Variants in PLCB4 observed in about 807,000 individuals in gnomAD.
PLCB4 encodes phospholipase C beta 4.
A neutral mutation model predicts 178.8 loss-of-function variants in PLCB4; 77 were observed. The ratio of observed to expected loss-of-function variants is 0.43; its 90% CI spans 0.36 to 0.52. The LOEUF is 0.52. Ranked by LOEUF, PLCB4 falls within the 20% of genes least tolerant of loss-of-function variation. PLCB4 has a pLI of 0.00. For synonymous variants in PLCB4, 496 were observed against 490.8 expected (o/e 1.01, Z -0.14); for missense variants, 1,024 against 1,453.4 (o/e 0.70, Z 4.80).
chr20:9,163,992 T>A (rs924588590), intron 2 of PLCB4, among the ~76,000 whole-genome samples: 3 of 152,184 alleles, frequency 2.0e-5, no homozygotes. Context: ...TCCAAAAAAG[T>A]GATTATAGGC....
chr20:9,137,632 C>A, intron 2 of PLCB4, among the ~76,000 whole-genome samples: 1 of 151,780 alleles, frequency 6.6e-6, no homozygotes. Context: ...ATCTATCCAT[C>A]TGGAAATTTC....
chr20:9,091,607 T>C (rs6039389), intron 1 of PLCB4, among the ~76,000 whole-genome samples: 131,884 of 150,482 alleles, frequency 0.88, 58,231 homozygotes, highest in East Asian at 1. Context: ...CCTCTGAACT[T>C]GTCCTCATGG....
At chr20:9,461,633 G>A (rs1283110853) in intron 35 of PLCB4, among the ~76,000 whole-genome samples, 8 of 152,334 alleles carry the variant, frequency 5.3e-5, no homozygotes, top group South Asian at 2.1e-4. Context: ...CAGGTTCCAC[G>A]CCCATGTAGC....
chr20:9,127,900 T>A (rs2092165585), intron 2 of PLCB4, among the ~76,000 whole-genome samples: 1 of 152,108 alleles, frequency 6.6e-6, no homozygotes, highest in Non-Finnish European at 1.5e-5. Flanking sequence ...TTGGCCAGAC[T>A]CGTCTTGAAC....
chr20:9,089,145 A>C (rs1478181525), intron 1 of PLCB4, among the ~76,000 whole-genome samples: 1 of 151,984 alleles, frequency 6.6e-6, no homozygotes, highest in African/African-American at 2.4e-5. Context: ...CAAAGTACAA[A>C]ATAGCCTTAA....
intron 7 of PLCB4, among the ~76,000 whole-genome samples, chr20:9,354,600 G>T (rs973914323): frequency 3.9e-5 from 6 of 152,142 alleles, no homozygotes; most frequent in African/African-American, 7.2e-5. Flanking sequence ...GCTGATCAAG[G>T]GAACCACACT....
chr20:9,109,141 T>C (rs954816681), intron 2 of PLCB4, among the ~76,000 whole-genome samples: 2 of 152,192 alleles, frequency 1.3e-5, no homozygotes, highest in African/African-American at 4.8e-5. Context: ...TAGCACGATC[T>C]TCAGAGCAGA....
Position 9,303,248 on chromosome 20 carries a change from T to G in PLCB4, c.-15-4552T>G, listed in dbSNP as rs541683815. Among the ~76,000 whole-genome samples the G allele has an allele frequency of 5.6e-4, 85 of 152,334 alleles. 1 individual carries two copies. The highest frequency in any genetic ancestry group is 5.6e-3 in the Admixed American group (85 of 15,302). On this transcript the variant is annotated intron_variant, in intron 3 of 39. Transcript: ENST00000378473. ...GTTATGTGTGTACATACATGCTATA[T>G]TCACCAAGCTATGCAAAAGGTTTCA...
At position 9,387,574 on chromosome 20, in the gene PLCB4, T is replaced by C; in HGVS notation, c.1158+18T>C. 1 of 1,189,470 alleles carries C rather than the reference T, an allele frequency of 8.4e-7. No individual in the cohort carries two copies. Among genetic ancestry groups the C allele is most frequent in the Non-Finnish European group, 1.2e-6 (1 of 813,718 alleles). 73.7% of individuals were successfully genotyped at this position (1,189,470 alleles called of 1,614,324 possible). On this transcript the variant is annotated intron_variant, in intron 15 of 39. Transcript: ENST00000378473. ...TTTTTAAGGTAACTTTAAAAATAATTACACAGACTTTTCCAAACTCTGTGA... is the reference window on the plus strand; with the variant it reads ...TTTTTAAGGTAACTTTAAAAATAATCACACAGACTTTTCCAAACTCTGTGA...
chr20:9,092,407 G>A (rs944096842), intron 1 of PLCB4, among the ~76,000 whole-genome samples: 2 of 152,108 alleles, frequency 1.3e-5, no homozygotes, highest in Admixed American at 6.6e-5. Flanking sequence ...TGGTGAGCCT[G>A]TTGGGTGAGA....
intron 2 of PLCB4, among the ~76,000 whole-genome samples, chr20:9,128,287 G>A (rs1230031502): frequency 5.3e-5 from 8 of 152,134 alleles, no homozygotes; most frequent in Non-Finnish European, 1.2e-4. Flanking sequence ...CTTACCAGAA[G>A]CTTATGCTGG....
At chr20:9,076,017 A>G (rs2089844819) in intron 1 of PLCB4, among the ~76,000 whole-genome samples, 1 of 152,078 alleles carries the variant, frequency 6.6e-6, no homozygotes, top group South Asian at 2.1e-4. Context: ...AAAGGTTGTT[A>G]TGGTCATTTA....
chr20:9,079,735 TAAATTG>T (rs993823344), intron 1 of PLCB4, among the ~76,000 whole-genome samples: 42 of 152,332 alleles, frequency 2.8e-4, no homozygotes, highest in African/African-American at 9.4e-4. Context: ...CTACAGTGAT[TAAATTG>T]AAATTGAAAT....
intron 1 of PLCB4, among the ~76,000 whole-genome samples, chr20:9,075,805 T>C (rs1386752195): frequency 6.6e-6 from 1 of 152,236 alleles, no homozygotes; most frequent in Non-Finnish European, 1.5e-5. Context: ...GTCTTCTCAT[T>C]TTAAAATGTT....
intron 2 of PLCB4, among the ~76,000 whole-genome samples, chr20:9,157,102 A>G (rs1359294335): frequency 1.3e-5 from 2 of 151,972 alleles, no homozygotes; most frequent in South Asian, 2.1e-4. Context: ...GAAGGCACAC[A>G]ATGTTAATAT....
intron 28 of PLCB4, among the ~76,000 whole-genome samples, chr20:9,426,130 T>C (rs947355913): frequency 1.2e-4 from 18 of 149,568 alleles, no homozygotes; most frequent in East Asian, 9.7e-4. Flanking sequence ...ATGTTTTTTT[T>C]CCCCTAGGAA....
intron 7 of PLCB4, among the ~76,000 whole-genome samples, chr20:9,342,116 A>G (rs898143722): frequency 4.6e-5 from 7 of 152,142 alleles, no homozygotes; most frequent in African/African-American, 1.7e-4. Flanking sequence ...CTCAAAACTT[A>G]AAATAACCAT....
At chr20:9,313,122 C>T (rs559874993) in intron 4 of PLCB4, among the ~76,000 whole-genome samples, 2 of 152,178 alleles carry the variant, frequency 1.3e-5, no homozygotes, top group East Asian at 3.9e-4. Flanking sequence ...AATTTAAATT[C>T]AATTATAAAA....
intron 2 of PLCB4, among the ~76,000 whole-genome samples, chr20:9,117,951 A>G (rs1049600629): frequency 2.0e-4 from 30 of 152,250 alleles, no homozygotes; most frequent in African/African-American, 7.0e-4. Context: ...ATCTGAAATT[A>G]TATAAGCTTG....
Sources: gnomAD v4.1 joint callset for allele counts (sites outside exome capture counted in the v4.1 genomes callset) on GRCh38, gnomAD v4.1.1 for gene constraint, MANE v1.5 for transcripts, NCBI Gene and HGNC (gene_info 2026-07-23, HGNC 2026-07-21) for gene names.